Variants in HNRNPF observed in about 807,000 individuals in gnomAD.
HNRNPF encodes HnRNP F protein.
In HNRNPF, 2 loss-of-function variants were observed where a neutral mutation model predicts 26.0. The observed-to-expected ratio is 0.08, with a 90% CI of 0.03 to 0.24. The LOEUF (loss-of-function observed/expected upper bound fraction) is 0.24. Among genes scored for constraint, HNRNPF ranks in the 10% least tolerant of loss-of-function variants. HNRNPF has a pLI of 1.00. For synonymous variants in HNRNPF, 234 were observed against 211.5 expected (o/e 1.11, Z -0.92); for missense variants, 299 against 539.2 (o/e 0.55, Z 4.41).
chr10:43,395,679 G>A (rs932753755), intron 2 of HNRNPF, among the ~76,000 whole-genome samples: 1 of 152,152 alleles, frequency 6.6e-6, no homozygotes, highest in African/African-American at 2.4e-5. Flanking sequence ...TTTTCAAAAG[G>A]CTTCAACAAT....
Position 43,387,036 on chromosome 10 carries a change from C to G in HNRNPF, c.849G>C (p.Val283=). 2 of 1,613,460 alleles carry G rather than the reference C, an allele frequency of 1.2e-6. No homozygotes were observed. Among genetic ancestry groups the G allele is most frequent in the Non-Finnish European group, 1.7e-6 (2 of 1,180,022 alleles). ...GGACACAGTGGCCTGTGGTGCTCTG[C>G]ACTGTGAACTCACTGTCGCCGTATC... ...DHRYGDSEFT[V]QSTTGHCVHM... Residue 283 remains valine, a synonymous_variant, in exon 4 of 4, where the codon GTG becomes GTC. Coordinates refer to ENST00000682386, the MANE Select transcript of HNRNPF (RefSeq NM_001098204.2). This position sits in a 1 kb window ranked among gnomAD's most constrained non-coding sequence, Gnocchi z 6.0.
At chr10:43,407,140 A>C (rs1315292063) in intron 1 of HNRNPF, among the ~76,000 whole-genome samples, 2 of 151,846 alleles carry the variant, frequency 1.3e-5, no homozygotes, top group African/African-American at 2.4e-5. Flanking sequence ...GGACGGAACG[A>C]CTGAAAACTA....
At chr10:43,404,204 AGCCTGAGAATC>A (rs1180673463) in intron 1 of HNRNPF, among the ~76,000 whole-genome samples, 1 of 149,712 alleles carries the variant, frequency 6.7e-6, no homozygotes, top group East Asian at 2.0e-4. Flanking sequence ...GCTGCTCACG[AGCCTGAGAATC>A]GCCTGAACCC....
chr10:43,398,631 C>T (rs1228483381), intron 1 of HNRNPF, among the ~76,000 whole-genome samples: 8 of 150,832 alleles, frequency 5.3e-5, no homozygotes, highest in South Asian at 2.1e-4. Flanking sequence ...TGAGCCACCG[C>T]GCCCGGCCTG....
At chr10:43,403,846 A>AC (rs1341239919) in intron 1 of HNRNPF, among the ~76,000 whole-genome samples, 1 of 151,576 alleles carries the variant, frequency 6.6e-6, no homozygotes. Context: ...TACAAAAAAA[A>AC]ATAGCTGGGC....
rs77025074 is a variant in HNRNPF at position 43,402,284 on chromosome 10, C to T, written c.-246-5694G>A. Among the ~76,000 whole-genome samples the T allele has an allele frequency of 4.7e-4, 71 of 152,306 alleles. No homozygotes were observed. The East Asian group carries it at 0.013, about 28-fold the overall frequency. ...CATACTTTTTCCAAAGCAGTTTCCT[C>T]TATACTTTAGGAGTTTTACCAACAC... On this transcript the variant is annotated intron_variant, in intron 1 of 3. Coordinates refer to ENST00000682386, the MANE Select transcript of HNRNPF (RefSeq NM_001098204.2).
In HNRNPF at chr10:43,387,236, T is replaced by C; in HGVS notation, c.649A>G (p.Arg217Gly). ...PGPYDRPGTARRYIGIVKQAG... is the reference protein window; with the variant it reads ...PGPYDRPGTAGRYIGIVKQAG... ...TGCTTCACGATGCCAATGTACCTCC[T>C]GGCAGTCCCGGGCCGGTCATAGGGC... The change falls in exon 4 of 4, where the codon AGG (arginine) becomes GGG (glycine). Residue 217 changes from arginine (R) to glycine (G), a missense_variant. By Grantham distance (125) the Arg-to-Gly change is moderately radical. Around this residue, in one of 6 missense-constraint regions of HNRNPF, gnomAD observed 15 missense variants for 40.3 expected, o/e 0.37. Coordinates refer to ENST00000682386, the MANE Select transcript of HNRNPF (RefSeq NM_001098204.2). The surrounding 1 kb of genome is among the most constrained non-coding windows in gnomAD (Gnocchi z 6.0). 6.2e-7 allele frequency: 1 copy of C among 1,614,178 alleles called. No homozygotes were observed. The highest frequency in any genetic ancestry group is 8.5e-7 in the Non-Finnish European group (1 of 1,180,006).
In HNRNPF at chr10:43,392,669, C is replaced by T. The variant is rs566491347; in HGVS notation, c.-53+1961G>A. ...ATCCTCTCCCTTTCACTCCTGTTGGCAATTACTGTTGGTTTTCCAGTTAAT... is the reference window on the plus strand; with the variant it reads ...ATCCTCTCCCTTTCACTCCTGTTGGTAATTACTGTTGGTTTTCCAGTTAAT... On this transcript the variant is annotated intron_variant, in intron 3 of 3. Transcript: ENST00000682386. Among the ~76,000 whole-genome samples the T allele has an allele frequency of 8.7e-4, 133 of 152,332 alleles. 1 individual carries two copies. The highest frequency in any genetic ancestry group is 3.1e-3 in the African/African-American group (127 of 41,562).
At chr10:43,399,386 A>G (rs1838681079) in intron 1 of HNRNPF, among the ~76,000 whole-genome samples, 1 of 152,178 alleles carries the variant, frequency 6.6e-6, no homozygotes, top group Admixed American at 6.6e-5. Flanking sequence ...GCCTGGCCCA[A>G]GGCAAGTTTT....
At chr10:43,404,107 G>T (rs1049355086) in intron 1 of HNRNPF, among the ~76,000 whole-genome samples, 1 of 151,372 alleles carries the variant, frequency 6.6e-6, no homozygotes, top group Non-Finnish European at 1.5e-5. Context: ...GACCAGCCTG[G>T]CCAACATGGT....
rs748465931 is a variant in HNRNPF, at chr10:43,386,770, T to C, written c.1115A>G (p.Tyr372Cys). 1 of 1,614,220 alleles carries C rather than the reference T, an allele frequency of 6.2e-7. No individual in the cohort carries two copies. Among genetic ancestry groups the C allele is most frequent in the South Asian group, 1.1e-5 (1 of 91,080 alleles). Reference sequence around the variant, plus strand: ...CATGCCTTGCATCACCTGGCTGCTATACGCCCCATTGCTGGCCCCTGTTGT... The same window carrying C: ...CATGCCTTGCATCACCTGGCTGCTACACGCCCCATTGCTGGCCCCTGTTGT... ...NSTTGASNGA[Y>C]SSQVMQGMGV... The change falls in exon 4 of 4, where the codon TAT (tyrosine) becomes TGT (cysteine). Residue 372 changes from tyrosine to cysteine, a missense_variant. Transcript: ENST00000682386.
intron 1 of HNRNPF, chr10:43,407,870 T>A (rs1418930698): frequency 1.3e-5 from 2 of 152,162 alleles, no homozygotes; most frequent in Non-Finnish European, 2.9e-5. Flanking sequence ...CTTGTGCAAC[T>A]CTCAGGCGCC....
intron 1 of HNRNPF, chr10:43,396,890 G>A (rs1208760041): frequency 9.2e-6 from 1 of 108,644 alleles, no homozygotes; most frequent in Non-Finnish European, 1.9e-5. Flanking sequence ...CGCCTCGCGG[G>A]AGGGGGAGGG....
intron 3 of HNRNPF, among the ~76,000 whole-genome samples, chr10:43,388,796 C>G (rs1564393629): frequency 6.6e-6 from 1 of 152,138 alleles, no homozygotes; most frequent in Non-Finnish European, 1.5e-5. Context: ...GTAAGGCCAA[C>G]CACACACTGG....
chr10:43,408,912 A>C (rs908838032), intron 1 of HNRNPF: 3 of 152,272 alleles, frequency 2.0e-5, no homozygotes, highest in Admixed American at 2.0e-4. Flanking sequence ...GGGCGGGGTC[A>C]GGCGCGCTGC....
intron 1 of HNRNPF, among the ~76,000 whole-genome samples, chr10:43,399,834 G>C (rs1357487603): frequency 1.3e-5 from 2 of 152,064 alleles, no homozygotes; most frequent in Non-Finnish European, 2.9e-5. Flanking sequence ...TGCCTTGGTG[G>C]GTCCAGTAAC....
At chr10:43,402,028 ACCT>A (rs139824209) in intron 1 of HNRNPF, among the ~76,000 whole-genome samples, 13,762 of 151,914 alleles carry the variant, frequency 0.091, 731 homozygotes, top group South Asian at 0.14. Context: ...AACATACCAC[ACCT>A]CAGGTTTCAG....
At chr10:43,405,907 A>T (rs1355955959) in intron 1 of HNRNPF, among the ~76,000 whole-genome samples, 1 of 152,028 alleles carries the variant, frequency 6.6e-6, no homozygotes, top group African/African-American at 2.4e-5. Flanking sequence ...GCTCAGGGCA[A>T]CTAAGACAGG....
rs1339213210 is a variant in HNRNPF, at chr10:43,396,598, A to G, written c.-246-8T>C. ...CATGTTTTTGTTCTCAACCTGCAAC[A>G]GAAATCCAAGTGGTGGTGGGGTCCC... is the stretch of plus-strand genomic sequence containing the variant. On this transcript the variant is annotated splice_region_variant and splice_polypyrimidine_tract_variant and intron_variant, in intron 1 of 3. Coordinates refer to ENST00000682386, the MANE Select transcript of HNRNPF (RefSeq NM_001098204.2). 6.6e-6 allele frequency: 1 copy of G among 152,256 alleles called. No individual in the cohort carries two copies. Among genetic ancestry groups the G allele is most frequent in the Non-Finnish European group, 1.5e-5 (1 of 68,062 alleles). The allele number at this position is 152,256 out of a possible 1,614,324, so 9.4% of individuals were successfully genotyped here.
Sources: allele counts gnomAD v4.1 joint callset (sites outside exome capture counted in the v4.1 genomes callset), GRCh38; gene constraint gnomAD v4.1.1; regional missense constraint gnomAD v4.1.1; non-coding constraint Gnocchi (gnomAD v3.1); transcripts MANE v1.5; gene names NCBI Gene and HGNC (gene_info 2026-07-23, HGNC 2026-07-21).